Variants in CLOCK observed in about 807,000 individuals in gnomAD.
CLOCK encodes circadian locomoter output cycles protein kaput.
CLOCK carries 43 observed loss-of-function variants against 118.4 expected under a neutral mutation model. The ratio of observed to expected loss-of-function variants is 0.36; its 90% CI spans 0.28 to 0.47. The LOEUF (loss-of-function observed/expected upper bound fraction) is 0.47. Among genes scored for constraint, CLOCK ranks in the 20% least tolerant of loss-of-function variants. CLOCK has a pLI of 1.00. For missense variants in CLOCK, 846 were observed against 999.9 expected, an observed-to-expected ratio of 0.85 and a Z score of 2.08; for synonymous variants, 326 against 339.2, an observed-to-expected ratio of 0.96 and a Z score of 0.43.
chr4:55,438,351 C>T lies in CLOCK; in HGVS notation c.2292G>A (p.Glu764=), dbSNP rs2109647433. The change falls in exon 22 of 23, where the codon GAG becomes GAA. Residue 764 remains glutamate, a synonymous_variant. Coordinates refer to ENST00000513440, the MANE Select transcript of CLOCK (RefSeq NM_004898.4). ...TQQQQQQSSQ[E]QQLTSVQQPS... is the part of the protein sequence containing the mutation. ...GTTGCTGAACTGAAGTGAGCTGCTG[C>T]TCCTGGGAGCTCTGCTGCTGCTGCT... The T allele has an allele frequency of 6.2e-7, 1 of 1,614,014 alleles. No individual in the cohort carries two copies. The highest frequency in any genetic ancestry group is 8.5e-7 in the Non-Finnish European group (1 of 1,180,006).
At chr4:55,453,214 G>A (rs150434882) in intron 14 of CLOCK, 85 bp from the exon 15 acceptor site, 19 of 1,084,860 alleles carry the variant, frequency 1.8e-5, no homozygotes, top group East Asian at 4.9e-5. Context: ...GTGTTGTTAC[G>A]TGTCTCATCT....
intron 8 of CLOCK, among the ~76,000 whole-genome samples, chr4:55,468,640 T>C (rs1384756517): frequency 6.6e-6 from 1 of 152,220 alleles, no homozygotes; most frequent in Non-Finnish European, 1.5e-5. Flanking sequence ...GAGAAAAATA[T>C]TTACAAGTTG....
intron 20 of CLOCK, among the ~76,000 whole-genome samples, chr4:55,443,080 G>A (rs1180470664): frequency 6.6e-6 from 1 of 152,090 alleles, no homozygotes; most frequent in Non-Finnish European, 1.5e-5. Context: ...AGGCTTCCTG[G>A]TCAGCCTCTT....
chr4:55,445,848 G>A (rs1026409347), intron 18 of CLOCK, among the ~76,000 whole-genome samples: 2 of 151,488 alleles, frequency 1.3e-5, no homozygotes, highest in African/African-American at 4.9e-5. Context: ...CTCCTACTTC[G>A]GCCTTCCAAA....
intron 1 of CLOCK, among the ~76,000 whole-genome samples, chr4:55,543,104 A>G (rs1731390670): frequency 6.6e-6 from 1 of 152,130 alleles, no homozygotes; most frequent in Non-Finnish European, 1.5e-5. Context: ...ATTTTGTAGC[A>G]AAGAGGTCTC....
rs764290289 is a variant in CLOCK at position 55,435,160 on chromosome 4, T to C, written c.*255A>G. 8.0e-6 allele frequency: 4 copies of C among 497,580 alleles called. No homozygotes were observed. The highest frequency in any genetic ancestry group is 7.3e-5 in the East Asian group (2 of 27,360). 30.8% of individuals were successfully genotyped at this position (497,580 alleles called of 1,614,324 possible). ...TATTTGGCAATATATTCTTTTTCCA[T>C]CAAAAAATATCCAGGCACCTAAAAC... On this transcript the variant is annotated 3_prime_UTR_variant, in exon 23 of 23. Coordinates refer to ENST00000513440, the MANE Select transcript of CLOCK (RefSeq NM_004898.4).
intron 21 of CLOCK, among the ~76,000 whole-genome samples, chr4:55,439,649 T>C (rs1380691584): frequency 2.0e-5 from 3 of 152,052 alleles, no homozygotes; most frequent in South Asian, 2.1e-4. Context: ...AAGCAAAACA[T>C]AGTAGAGTAG....
chr4:55,538,751 G>A (rs372491528), intron 1 of CLOCK, among the ~76,000 whole-genome samples: 73 of 152,258 alleles, frequency 4.8e-4, no homozygotes, highest in African/African-American at 1.6e-3. Flanking sequence ...AAGTAACACA[G>A]AGAGTCTTAA....
rs550119500 is a variant in CLOCK at position 55,456,836 on chromosome 4, G to A, written c.793-536C>T. On this transcript the variant is annotated intron_variant, in intron 11 of 22. Coordinates refer to ENST00000513440, the MANE Select transcript of CLOCK (RefSeq NM_004898.4). ...TGGGACTATAGGGATGCACCACCACGCCCGGCTAATTTTTGTATTTTTATT... is the reference window on the plus strand; with the variant it reads ...TGGGACTATAGGGATGCACCACCACACCCGGCTAATTTTTGTATTTTTATT... Among the ~76,000 whole-genome samples the A allele has an allele frequency of 7.2e-5, 11 of 151,990 alleles. No homozygotes were observed. In the East Asian group the frequency reaches 1.7e-3, roughly 24 times the overall value.
At chr4:55,499,081 C>G (rs150225693) in intron 2 of CLOCK, among the ~76,000 whole-genome samples, 28 of 152,278 alleles carry the variant, frequency 1.8e-4, no homozygotes, top group African/African-American at 6.5e-4. Context: ...TTTTTACACT[C>G]CTTTCAGAAG....
At chr4:55,505,565 G>A (rs1264458276) in intron 2 of CLOCK, among the ~76,000 whole-genome samples, 1 of 151,990 alleles carries the variant, frequency 6.6e-6, no homozygotes, top group Non-Finnish European at 1.5e-5. Context: ...TTGGGAAGCT[G>A]AGGCAGGAGG....
At chr4:55,515,830 C>G (rs6850524) in intron 1 of CLOCK, among the ~76,000 whole-genome samples, 82,863 of 152,070 alleles carry the variant, frequency 0.54, 23,787 homozygotes, top group East Asian at 0.68. Context: ...TCTAGGCATT[C>G]CATTTGTTGC....
intron 9 of CLOCK, 41 bp downstream of exon 9, chr4:55,463,644 A>AAT: frequency 6.2e-7 from 1 of 1,607,698 alleles, no homozygotes; most frequent in Non-Finnish European, 8.5e-7. Flanking sequence ...AGTGCTACTG[A>AAT]ATACAACATT....
intron 1 of CLOCK, among the ~76,000 whole-genome samples, chr4:55,541,701 A>G (rs1260025937): frequency 6.6e-6 from 1 of 152,182 alleles, no homozygotes; most frequent in Non-Finnish European, 1.5e-5. Flanking sequence ...TTAATTTCCT[A>G]ATTTTTCTAG....
chr4:55,515,736 C>T (rs2110043173), intron 1 of CLOCK, among the ~76,000 whole-genome samples: 1 of 152,234 alleles, frequency 6.6e-6, no homozygotes, highest in African/African-American at 2.4e-5. Context: ...ATTTAATTTG[C>T]TCTACTTTTT....
intron 3 of CLOCK, among the ~76,000 whole-genome samples, chr4:55,485,976 A>T (rs1727274203): frequency 6.6e-6 from 1 of 152,218 alleles, no homozygotes; most frequent in Non-Finnish European, 1.5e-5. Context: ...ATGCTCCTTT[A>T]CTTAAGCAAC....
chr4:55,466,814 C>T (rs1485488671), intron 8 of CLOCK, among the ~76,000 whole-genome samples: 1 of 152,168 alleles, frequency 6.6e-6, no homozygotes, highest in African/African-American at 2.4e-5. Context: ...TTCTCAAACA[C>T]AATCAAACGT....
At chr4:55,541,213 T>C (rs970631053) in intron 1 of CLOCK, among the ~76,000 whole-genome samples, 11 of 152,210 alleles carry the variant, frequency 7.2e-5, no homozygotes, top group African/African-American at 2.4e-4. Flanking sequence ...TTACACCTAA[T>C]AGGGCTTTTA....
chr4:55,526,441 T>C (rs1170457903), intron 1 of CLOCK, among the ~76,000 whole-genome samples: 1 of 152,230 alleles, frequency 6.6e-6, no homozygotes, highest in East Asian at 1.9e-4. Context: ...TGATATAACA[T>C]GTAGTAATAG....
Sources: gnomAD v4.1 joint callset for allele counts (sites outside exome capture counted in the v4.1 genomes callset) on GRCh38, gnomAD v4.1.1 for gene constraint, MANE v1.5 for transcripts, NCBI Gene and HGNC (gene_info 2026-07-23, HGNC 2026-07-21) for gene names.